HDAC9: variants seen among roughly 807,000 people sequenced by gnomAD.
HDAC9 encodes the protein MEF-2 interacting transcription repressor (MITR) protein.
Under a neutral mutation model 139.4 loss-of-function variants are expected in HDAC9, and 41 were observed. The observed-to-expected ratio is 0.29, with a 90% CI of 0.23 to 0.38. The LOEUF (loss-of-function observed/expected upper bound fraction) is 0.38. HDAC9 is among the 10% of genes least tolerant of loss of function. The pLI is 1.00. For synonymous variants in HDAC9, 517 were observed against 476.2 expected, an observed-to-expected ratio of 1.09 and a Z score of -1.12; for missense variants, 1,147 against 1,297.0, an observed-to-expected ratio of 0.88 and a Z score of 1.78.
chr7:18,684,595 A>G (rs1273506239), intron 12 of HDAC9, among the ~76,000 whole-genome samples: 1 of 152,036 alleles, frequency 6.6e-6, no homozygotes, highest in Non-Finnish European at 1.5e-5. Flanking sequence ...GTGAATGGAT[A>G]CCTTTGAGCA....
chr7:18,913,104 G>A (rs1802881547), intron 22 of HDAC9, among the ~76,000 whole-genome samples: 1 of 152,000 alleles, frequency 6.6e-6, no homozygotes, highest in Admixed American at 6.6e-5. Flanking sequence ...GCATTTTTGA[G>A]TACTAGAACA....
chr7:18,977,625 T>C (rs901474023), intron 25 of HDAC9, among the ~76,000 whole-genome samples: 1 of 152,216 alleles, frequency 6.6e-6, no homozygotes, highest in Admixed American at 6.5e-5. Flanking sequence ...CAGTCCACAG[T>C]GATTTTTATT....
chr7:18,222,986 G>C (rs1792808623), intron 2 of HDAC9, among the ~76,000 whole-genome samples: 1 of 152,116 alleles, frequency 6.6e-6, no homozygotes, highest in Non-Finnish European at 1.5e-5. Context: ...TCTCTTGTCA[G>C]TATTGCAGGA....
intron 22 of HDAC9, among the ~76,000 whole-genome samples, chr7:18,895,985 T>C (rs537639183): frequency 6.6e-6 from 1 of 152,196 alleles, no homozygotes; most frequent in African/African-American, 2.4e-5. Context: ...AAAGAAAACA[T>C]TTGTTTATTT....
chr7:18,964,187 C>T (rs993764232), intron 24 of HDAC9, among the ~76,000 whole-genome samples: 2 of 152,176 alleles, frequency 1.3e-5, no homozygotes, highest in African/African-American at 4.8e-5. Flanking sequence ...CTACTCTTGA[C>T]CCAACTTACC....
At chr7:18,942,287 G>A (rs1373655038) in intron 23 of HDAC9, among the ~76,000 whole-genome samples, 2 of 152,054 alleles carry the variant, frequency 1.3e-5, no homozygotes, top group African/African-American at 4.8e-5. Context: ...AATGTCTAAG[G>A]AAAAGATTAT....
At chr7:18,878,432 ATTCCT>A (rs1263297753) in intron 22 of HDAC9, among the ~76,000 whole-genome samples, 1 of 152,204 alleles carries the variant, frequency 6.6e-6, no homozygotes, top group Non-Finnish European at 1.5e-5. Flanking sequence ...TGTGAAATAC[ATTCCT>A]TTAATAAACA....
At chr7:18,358,202 A>G (rs1000808223) in intron 1 of HDAC9, among the ~76,000 whole-genome samples, 1 of 152,302 alleles carries the variant, frequency 6.6e-6, no homozygotes, top group East Asian at 1.9e-4. Context: ...ACAAAGCAAA[A>G]CAAAACAACA....
chr7:18,828,615 CT>C (rs1289953371), intron 17 of HDAC9, among the ~76,000 whole-genome samples: 8 of 152,156 alleles, frequency 5.3e-5, no homozygotes, highest in African/African-American at 1.9e-4. Context: ...GAAATATGGG[CT>C]TTCCATTGTT....
intron 1 of HDAC9, among the ~76,000 whole-genome samples, chr7:18,140,908 G>GT (rs78385182): frequency 0.02 from 2,820 of 137,798 alleles, 35 homozygotes; most frequent in Non-Finnish European, 0.025. Context: ...AAACTTTAAA[G>GT]TTTTTTTTTT....
intron 1 of HDAC9, among the ~76,000 whole-genome samples, chr7:18,415,016 C>A (rs1788917465): frequency 6.6e-6 from 1 of 152,122 alleles, no homozygotes; most frequent in Admixed American, 6.6e-5. Context: ...GTTCCTCACC[C>A]TTCTTCTCAT....
At chr7:18,236,840 C>T (rs989458177) in intron 2 of HDAC9, among the ~76,000 whole-genome samples, 3 of 152,122 alleles carry the variant, frequency 2.0e-5, no homozygotes, top group Admixed American at 1.3e-4. Flanking sequence ...TGGACTCTGG[C>T]CCCCTACCCC....
intron 2 of HDAC9, among the ~76,000 whole-genome samples, chr7:18,510,749 TAGTG>T (rs1478682986): frequency 1.3e-5 from 2 of 152,230 alleles, no homozygotes; most frequent in African/African-American, 2.4e-5. Context: ...GGAGTTAACA[TAGTG>T]AGATATTAAG....
At chr7:18,480,082 T>C (rs756377995) in intron 1 of HDAC9, among the ~76,000 whole-genome samples, 15 of 151,980 alleles carry the variant, frequency 9.9e-5, no homozygotes, top group Admixed American at 2.0e-4. Context: ...ACGAACTTTT[T>C]AGAATTTTTT....
intron 25 of HDAC9, among the ~76,000 whole-genome samples, chr7:18,984,929 G>C (rs1205703187): frequency 1.3e-5 from 2 of 152,056 alleles, no homozygotes; most frequent in Non-Finnish European, 2.9e-5. Flanking sequence ...ACATATGTTT[G>C]CTTTTGTTGG....
chr7:18,804,085 A>T (rs1232103499), intron 17 of HDAC9, among the ~76,000 whole-genome samples: 1 of 152,222 alleles, frequency 6.6e-6, no homozygotes, highest in African/African-American at 2.4e-5. Flanking sequence ...TAAAGGATGA[A>T]AGAGAGCTAG....
chr7:18,533,269 T>TTG, intron 2 of HDAC9, among the ~76,000 whole-genome samples: 1 of 152,318 alleles, frequency 6.6e-6, no homozygotes, highest in Non-Finnish European at 1.5e-5. Flanking sequence ...CCAGCCTTCT[T>TTG]TCTCTATTGG....
chr7:18,751,093 G>A (rs1447461720), intron 14 of HDAC9, among the ~76,000 whole-genome samples: 1 of 152,110 alleles, frequency 6.6e-6, no homozygotes, highest in Non-Finnish European at 1.5e-5. Flanking sequence ...AAATTAGAAA[G>A]TCTATTATCA....
At chr7:18,204,999 A>G (rs527870922) in intron 2 of HDAC9, among the ~76,000 whole-genome samples, 1 of 152,016 alleles carries the variant, frequency 6.6e-6, no homozygotes, top group Non-Finnish European at 1.5e-5. Flanking sequence ...GAACTAATTT[A>G]TATGTGTGTG....
Sources: gnomAD v4.1 joint callset for allele counts (sites outside exome capture counted in the v4.1 genomes callset) on GRCh38, gnomAD v4.1.1 for gene constraint, MANE v1.5 for transcripts, NCBI Gene and HGNC (gene_info 2026-07-23, HGNC 2026-07-21) for gene names.